Variants in NPAS2 observed in about 807,000 individuals in gnomAD.
NPAS2 encodes neuronal PAS domain-containing protein 2.
A neutral mutation model predicts 107.5 loss-of-function variants in NPAS2; 23 were observed. The ratio of observed to expected loss-of-function variants is 0.21; its 90% CI spans 0.15 to 0.30. The LOEUF is 0.30. Ranked by LOEUF, NPAS2 falls within the 10% of genes least tolerant of loss-of-function variation. NPAS2 has a pLI of 1.00. For missense variants in NPAS2, 756 were observed against 1,043.3 expected (o/e 0.72, Z 3.79); for synonymous variants, 403 against 417.5 (o/e 0.97, Z 0.42).
chr2:100,932,927 G>T lies in NPAS2; in HGVS notation c.199G>T (p.Glu67Ter). The change falls in exon 4 of 21, where the codon GAA becomes TAA. Residue 67 changes from glutamate (E) to a stop codon, truncating the protein, a stop_gained. Transcript: ENST00000335681. LOFTEE classifies it high-confidence loss of function. ...TTTTCTAGAAGTCTCAGCGCAAACG[G>T]AAATCTGTGACATTCAGCAAGACTG... ...QKHNEVSAQT[E>*]ICDIQQDWKP... 1 of 1,613,860 alleles carries T rather than the reference G, an allele frequency of 6.2e-7. No individual in the cohort carries two copies. The highest frequency in any genetic ancestry group is 8.5e-7 in the Non-Finnish European group (1 of 1,179,750).
In NPAS2 at chr2:100,866,054, T is replaced by G. The variant is rs528291288; in HGVS notation, c.-22-38679T>G. Among the ~76,000 whole-genome samples, 3 of 152,296 alleles carry G rather than the reference T, an allele frequency of 2.0e-5. No homozygotes were observed. The South Asian group carries it at 6.2e-4, about 32-fold the overall frequency. On this transcript the variant is annotated intron_variant, in intron 1 of 20. Transcript: ENST00000335681. ...CATGCTCAGCAATTCCGTTTATGAA[T>G]GGATGGTTTCTCTGTTGCTCTGGTC...
chr2:100,991,920 T>C (rs56030263), intron 19 of NPAS2, among the ~76,000 whole-genome samples: 15,005 of 152,224 alleles, frequency 0.099, 916 homozygotes, highest in Non-Finnish European at 0.14. Flanking sequence ...GTCTGGGGTC[T>C]CCCTATGCCT....
chr2:100,864,933 C>T (rs181111795), intron 1 of NPAS2, among the ~76,000 whole-genome samples: 67 of 152,186 alleles, frequency 4.4e-4, no homozygotes, highest in African/African-American at 1.5e-3. Context: ...ATAATAACTA[C>T]GTTTCCCCAA....
chr2:100,882,335 C>G (rs940102719), intron 1 of NPAS2, among the ~76,000 whole-genome samples: 2 of 152,166 alleles, frequency 1.3e-5, no homozygotes, highest in African/African-American at 2.4e-5. Context: ...AACAGCCGGG[C>G]GCAGTGGCTC....
intron 15 of NPAS2, among the ~76,000 whole-genome samples, chr2:100,981,646 GCA>G (rs1303664362): frequency 6.6e-6 from 1 of 152,130 alleles, no homozygotes; most frequent in African/African-American, 2.4e-5. Context: ...TTCGTTTTTT[GCA>G]CAGATTTCCG....
chr2:100,888,179 C>T lies in NPAS2; in HGVS notation c.-22-16554C>T, dbSNP rs149551072. On this transcript the variant is annotated intron_variant, in intron 1 of 20. Coordinates refer to ENST00000335681, the MANE Select transcript of NPAS2 (RefSeq NM_002518.4). ...TATTGCGGGAACCAATGCCAGGCTTCTTTCCAAACTTTAAACACAGATTCC... is the reference window on the plus strand; with the variant it reads ...TATTGCGGGAACCAATGCCAGGCTTTTTTCCAAACTTTAAACACAGATTCC... Among the ~76,000 whole-genome samples the T allele has an allele frequency of 5.1e-3, 771 of 152,312 alleles. 6 individuals carry two copies. Among genetic ancestry groups the T allele is most frequent in the African/African-American group, 0.016 (662 of 41,566 alleles).
At position 100,990,670 on chromosome 2, in the gene NPAS2, A is replaced by T. The variant is rs184799980; in HGVS notation, c.2019-110A>T. On this transcript the variant is annotated intron_variant, in intron 18 of 20. Transcript: ENST00000335681. ...AGAGAATGAAGCCAGGAGAGTGGGGATTAGAGTCAACCATAAAGGGTCCAG... is the reference window on the plus strand; with the variant it reads ...AGAGAATGAAGCCAGGAGAGTGGGGTTTAGAGTCAACCATAAAGGGTCCAG... 3.4e-5 allele frequency: 38 copies of T among 1,112,306 alleles called. No homozygotes were observed. The African/African-American group carries it at 5.4e-4, about 16-fold the overall frequency. 68.9% of individuals were successfully genotyped at this position (1,112,306 alleles called of 1,614,324 possible). A position where few individuals can be genotyped will look rare whatever the true frequency, so the allele number is the denominator to read the frequency against.
chr2:100,917,221 TA>T (rs1257027529), intron 2 of NPAS2, among the ~76,000 whole-genome samples: 21 of 151,902 alleles, frequency 1.4e-4, no homozygotes, highest in African/African-American at 4.8e-4. Flanking sequence ...TCAACTAAAC[TA>T]AAAGGTGATT....
At chr2:100,843,184 A>C (rs1344089218) in intron 1 of NPAS2, among the ~76,000 whole-genome samples, 7 of 148,942 alleles carry the variant, frequency 4.7e-5, no homozygotes, top group East Asian at 2.0e-4. Context: ...GCACCACTGC[A>C]CTCCAGCCTG....
intron 15 of NPAS2, 132 bp from the exon 16 acceptor site, chr2:100,982,099 G>A (rs1044332223): frequency 1.8e-6 from 2 of 1,104,610 alleles, no homozygotes; most frequent in African/African-American, 1.6e-5. Context: ...CCCAGCCGTG[G>A]GCTCCTTAGG....
intron 7 of NPAS2, among the ~76,000 whole-genome samples, chr2:100,963,780 G>A (rs1352615049): frequency 6.6e-6 from 1 of 152,240 alleles, no homozygotes; most frequent in Non-Finnish European, 1.5e-5. Flanking sequence ...GGAAGTGAGA[G>A]GCAGTGCTGA....
At chr2:100,874,162 T>G (rs1363018706) in intron 1 of NPAS2, among the ~76,000 whole-genome samples, 4 of 151,866 alleles carry the variant, frequency 2.6e-5, no homozygotes, top group Non-Finnish European at 5.9e-5. Context: ...TTTTTTTATC[T>G]TTAGTAAAGA....
At chr2:100,819,435 C>T (rs950047746), upstream of NPAS2, among the ~76,000 whole-genome samples, 2 of 152,166 alleles carry the variant, frequency 1.3e-5, no homozygotes, top group Non-Finnish European at 2.9e-5. The surrounding 1 kb of genome is among the most constrained non-coding windows in gnomAD (Gnocchi z 5.8). Flanking sequence ...TGTCCTCCGC[C>T]GACCACCGCT....
chr2:100,934,277 A>G (rs1320199354), intron 4 of NPAS2: 3 of 151,674 alleles, frequency 2.0e-5, no homozygotes, highest in African/African-American at 7.2e-5. Context: ...ACATAACCCT[A>G]TAGCAGCAGC....
intron 7 of NPAS2, among the ~76,000 whole-genome samples, chr2:100,954,392 C>T (rs1171379265): frequency 6.6e-6 from 1 of 152,172 alleles, no homozygotes; most frequent in Non-Finnish European, 1.5e-5. Flanking sequence ...GGGCCAGGCA[C>T]GGTGGCTCAC....
intron 20 of NPAS2, chr2:100,993,868 G>A (rs1473411757): frequency 2.0e-5 from 5 of 250,558 alleles, no homozygotes; most frequent in Non-Finnish European, 3.0e-5. Context: ...TGACTATGTT[G>A]GACTTTTCAG....
In NPAS2 at chr2:100,990,438, G is replaced by C; in HGVS notation, c.2010G>C (p.Arg670=). The C allele has an allele frequency of 6.2e-7, 1 of 1,614,182 alleles. No homozygotes were observed. Among genetic ancestry groups the C allele is most frequent in the Non-Finnish European group, 8.5e-7 (1 of 1,180,014 alleles). Residue 670 remains arginine, a synonymous_variant, in exon 18 of 21, where the codon CGG becomes CGC. Transcript: ENST00000335681. ...CQPSPDFSHD[R]QLRLLLSQPI... ...CCAGCCCAGACTTCAGCCATGATCGGCAGCTCAGGTACGAGACTGCCCTTG... is the reference window on the plus strand; with the variant it reads ...CCAGCCCAGACTTCAGCCATGATCGCCAGCTCAGGTACGAGACTGCCCTTG...
chr2:100,919,464 C>T (rs1683089528), intron 2 of NPAS2, among the ~76,000 whole-genome samples: 1 of 152,098 alleles, frequency 6.6e-6, no homozygotes, highest in Non-Finnish European at 1.5e-5. Flanking sequence ...CTGAGCCTTG[C>T]TTGGCTCTTT....
chr2:100,965,947 C>T lies in NPAS2; in HGVS notation c.907+181C>T, dbSNP rs904162871. On this transcript the variant is annotated intron_variant, in intron 10 of 20. Transcript: ENST00000335681. This position sits in a 1 kb window ranked among gnomAD's most constrained non-coding sequence, Gnocchi z 4.3. ...TGGAGGCCCCTTATCCGCGTCTACC[C>T]CCATGTCACTGGAATTCACTTGGCC... is the stretch of plus-strand genomic sequence containing the variant. Among the ~76,000 whole-genome samples the T allele has an allele frequency of 3.9e-5, 6 of 152,156 alleles. No individual in the cohort carries two copies. The highest frequency in any genetic ancestry group is 5.9e-5 in the Non-Finnish European group (4 of 68,020).
Sources: allele counts gnomAD v4.1 joint callset (sites outside exome capture counted in the v4.1 genomes callset), GRCh38; gene constraint gnomAD v4.1.1; non-coding constraint Gnocchi (gnomAD v3.1); transcripts MANE v1.5; gene names NCBI Gene and HGNC (gene_info 2026-07-23, HGNC 2026-07-21).